The following ADAM12 variants were observed in gnomAD, a reference collection of about 807,000 sequenced individuals.
The protein encoded by ADAM12 is ADAM metallopeptidase domain 12, also known as disintegrin and metalloproteinase domain-containing protein 12.
In ADAM12, 70 loss-of-function variants were observed where a neutral mutation model predicts 106.4. The ratio of observed to expected loss-of-function variants is 0.66; its 90% CI spans 0.54 to 0.80. ADAM12 has a LOEUF of 0.80. ADAM12 is among the 30% of genes least tolerant of loss of function. The probability of loss-of-function intolerance (pLI) is 0.00; values close to 1 mark genes in which losing one functional copy is unlikely to be tolerated. For synonymous variants in ADAM12, 420 were observed against 433.5 expected, an observed-to-expected ratio of 0.97 and a Z score of 0.39; for missense variants, 1,010 against 1,171.9, an observed-to-expected ratio of 0.86 and a Z score of 2.02.
chr10:126,081,098 A>AG (rs60496474), intron 11 of ADAM12, among the ~76,000 whole-genome samples: 63,288 of 152,000 alleles, frequency 0.42, 14,104 homozygotes, highest in African/African-American at 0.54. Context: ...GCTGGATTCA[A>AG]GGGGGCTGCA....
chr10:126,338,283 C>T (rs921065806), intron 1 of ADAM12, among the ~76,000 whole-genome samples: 6 of 119,484 alleles, frequency 5.0e-5, no homozygotes, highest in African/African-American at 1.6e-4. Flanking sequence ...GACGGAGTCT[C>T]GCTCTGTCGC....
intron 3 of ADAM12, among the ~76,000 whole-genome samples, chr10:126,219,870 T>C (rs1958056610): frequency 6.6e-6 from 1 of 152,234 alleles, no homozygotes; most frequent in African/African-American, 2.4e-5. Context: ...GGAAATGGGC[T>C]TTCTTCATTG....
chr10:126,347,578 A>T (rs1855193484), intron 1 of ADAM12, among the ~76,000 whole-genome samples: 1 of 152,016 alleles, frequency 6.6e-6, no homozygotes, highest in African/African-American at 2.4e-5. Context: ...TGCCTTGTCA[A>T]TAGCCAATCA....
chr10:126,190,542 G>A (rs1232512129), intron 3 of ADAM12, among the ~76,000 whole-genome samples: 1 of 152,102 alleles, frequency 6.6e-6, no homozygotes. Flanking sequence ...CCAGCCAGCT[G>A]TGCTGGAGGC....
rs146710419 is a variant in ADAM12 at position 126,176,820 on chromosome 10, G to A, written c.261-21515C>T. Reference sequence around the variant, plus strand: ...ATGTCAGGTGACTCTTCCACGTGATGTCTGGGGACTGCAGGAGCTTCCCTC... The same window carrying A: ...ATGTCAGGTGACTCTTCCACGTGATATCTGGGGACTGCAGGAGCTTCCCTC... On this transcript the variant is annotated intron_variant, in intron 3 of 22. Coordinates refer to ENST00000448723, the MANE Select transcript of ADAM12 (RefSeq NM_001288973.2). Among the ~76,000 whole-genome samples the A allele has an allele frequency of 4.7e-4, 72 of 152,298 alleles. No homozygotes were observed. In the East Asian group the frequency reaches 0.012, roughly 26 times the overall value.
chr10:126,286,561 C>G (rs781495407), intron 2 of ADAM12, among the ~76,000 whole-genome samples: 2 of 152,132 alleles, frequency 1.3e-5, no homozygotes, highest in South Asian at 2.1e-4. Flanking sequence ...TCACGGGGCA[C>G]GAGGGAGTCA....
intron 2 of ADAM12, 122 bp from the exon 3 acceptor site, chr10:126,279,110 C>T (rs777148716): frequency 2.8e-6 from 2 of 703,746 alleles, no homozygotes; most frequent in Non-Finnish European, 4.9e-6. Flanking sequence ...TAAGAAAGAG[C>T]CAAATGCCAT....
chr10:126,278,924 T>C lies in ADAM12; in HGVS notation c.251A>G (p.Glu84Gly). 2 of 1,609,436 alleles carry C rather than the reference T, an allele frequency of 1.2e-6. No homozygotes were observed. The highest frequency in any genetic ancestry group is 8.5e-7 in the Non-Finnish European group (1 of 1,176,298). ...RESKELIINL[E>G]RNEGLIASSF... The stretch of plus-strand genomic sequence containing the variant: ...ACAAGAATTAACTTACTCATTTCTT[T>C]CCAGATTTATGATCAGTTCTTTGCT... The change falls in exon 3 of 23, where the codon GAA becomes GGA. Residue 84 changes from glutamate to glycine, a missense_variant. Around this residue, in one of 3 missense-constraint regions of ADAM12, gnomAD observed 391 missense variants for 442.9 expected, o/e 0.88. Transcript: ENST00000448723.
At chr10:126,382,068 G>T (rs761589602) in intron 1 of ADAM12, among the ~76,000 whole-genome samples, 1 of 152,124 alleles carries the variant, frequency 6.6e-6, no homozygotes, top group Admixed American at 6.5e-5. Context: ...TATTTAGCAG[G>T]GAAGAGAGAA....
At chr10:126,129,786 C>T (rs1424246699) in intron 5 of ADAM12, among the ~76,000 whole-genome samples, 1 of 152,174 alleles carries the variant, frequency 6.6e-6, no homozygotes, top group African/African-American at 2.4e-5. Context: ...TTTTTACGAC[C>T]CATTTTCCAT....
intron 3 of ADAM12, among the ~76,000 whole-genome samples, chr10:126,195,250 C>A (rs939956078): frequency 6.6e-6 from 1 of 152,148 alleles, no homozygotes; most frequent in Admixed American, 6.5e-5. Context: ...TTTAAGTGTT[C>A]TCACCACATA....
At chr10:126,343,604 A>G (rs529591697) in intron 1 of ADAM12, among the ~76,000 whole-genome samples, 1 of 152,322 alleles carries the variant, frequency 6.6e-6, no homozygotes, top group South Asian at 2.1e-4. Context: ...GAATCGCCAC[A>G]CCATCTTTCA....
At chr10:126,249,583 A>G (rs1384588080) in intron 3 of ADAM12, among the ~76,000 whole-genome samples, 2 of 152,198 alleles carry the variant, frequency 1.3e-5, no homozygotes, top group African/African-American at 4.8e-5. Context: ...CTGTGCCTGT[A>G]GTCTCAGCTA....
chr10:126,371,201 G>A (rs1409264607), intron 1 of ADAM12, among the ~76,000 whole-genome samples: 2 of 152,220 alleles, frequency 1.3e-5, no homozygotes, highest in Non-Finnish European at 2.9e-5. Context: ...TGTATGAGAA[G>A]CTACTGAACC....
chr10:126,051,045 G>A (rs1215760351), intron 14 of ADAM12, among the ~76,000 whole-genome samples: 1 of 151,938 alleles, frequency 6.6e-6, no homozygotes, highest in African/African-American at 2.4e-5. Context: ...TGACACCACC[G>A]ACACACTCAG....
chr10:126,243,520 G>GTGTGTGTGTGTGTGTGT (rs1958571694), intron 3 of ADAM12, among the ~76,000 whole-genome samples: 2 of 72,978 alleles, frequency 2.7e-5, no homozygotes, highest in South Asian at 9.6e-4. Context: ...TGTGTGTGTA[G>GTGTGTGTGTGTGTGTGT]GTCATTCAGG....
intron 4 of ADAM12, 103 bp from the exon 5 acceptor site, chr10:126,135,763 C>T: frequency 9.9e-7 from 1 of 1,013,880 alleles, no homozygotes; most frequent in Non-Finnish European, 1.5e-6. Context: ...TTTTCCATTG[C>T]ATAAAATATT....
At chr10:126,352,602 C>T (rs1855400452) in intron 1 of ADAM12, among the ~76,000 whole-genome samples, 1 of 152,202 alleles carries the variant, frequency 6.6e-6, no homozygotes, top group African/African-American at 2.4e-5. Context: ...CATGTAATTA[C>T]TTAATGGCTG....
At position 126,049,191 on chromosome 10, in the gene ADAM12, G is replaced by A. The variant is rs1710277; in HGVS notation, c.1917+62C>T. ...CAAACCTTGTAACCCAGTTCTTGCTGTTTTTCAATGGGCCCTGTTCCAGAC... is the reference window on the plus strand; with the variant it reads ...CAAACCTTGTAACCCAGTTCTTGCTATTTTTCAATGGGCCCTGTTCCAGAC... On this transcript the variant is annotated intron_variant, in intron 16 of 22. Coordinates refer to ENST00000448723, the MANE Select transcript of ADAM12 (RefSeq NM_001288973.2). The surrounding 1 kb of genome is among the most constrained non-coding windows in gnomAD (Gnocchi z 4.4). 1.7e-3 allele frequency: 2,747 copies of A among 1,595,920 alleles called. 32 individuals carry two copies. In the African/African-American group the frequency reaches 0.031, roughly 18 times the overall value.
Sources: gnomAD v4.1 joint callset for allele counts (sites outside exome capture counted in the v4.1 genomes callset) on GRCh38, gnomAD v4.1.1 for gene constraint, gnomAD v4.1.1 regional missense constraint, Gnocchi (gnomAD v3.1) non-coding constraint, MANE v1.5 for transcripts, NCBI Gene and HGNC (gene_info 2026-07-23, HGNC 2026-07-21) for gene names.